Variants in TMEM178B observed in about 807,000 individuals in gnomAD.
TMEM178B encodes the protein transmembrane protein 178B.
TMEM178B carries 5 observed loss-of-function variants against 31.0 expected under a neutral mutation model. The ratio of observed to expected loss-of-function variants is 0.16; its 90% CI spans 0.08 to 0.34. TMEM178B has a LOEUF of 0.34. TMEM178B is among the 10% of genes least tolerant of loss of function. TMEM178B has a pLI of 1.00. For missense variants in TMEM178B, 275 were observed against 400.3 expected, an observed-to-expected ratio of 0.69 and a Z score of 2.67; for synonymous variants, 164 against 164.0, an observed-to-expected ratio of 1.00 and a Z score of 0.00.
intron 1 of TMEM178B, among the ~76,000 whole-genome samples, chr7:141,159,950 T>C (rs969305326): frequency 6.6e-6 from 1 of 150,426 alleles, no homozygotes; most frequent in Non-Finnish European, 1.5e-5. Context: ...TGGTGAATTT[T>C]AAAAAAATTG....
At chr7:141,105,862 A>G (rs1259605312) in intron 1 of TMEM178B, among the ~76,000 whole-genome samples, 1 of 152,076 alleles carries the variant, frequency 6.6e-6, no homozygotes, top group East Asian at 1.9e-4. Flanking sequence ...TGGGAGGCCA[A>G]GGTGGGTGGA....
intron 1 of TMEM178B, among the ~76,000 whole-genome samples, chr7:141,188,481 T>C (rs1796647617): frequency 6.6e-6 from 1 of 152,222 alleles, no homozygotes; most frequent in African/African-American, 2.4e-5. Flanking sequence ...TCTTATTGGA[T>C]GTAGGACGAA....
chr7:141,088,905 T>TC, intron 1 of TMEM178B, among the ~76,000 whole-genome samples: 1 of 152,206 alleles, frequency 6.6e-6, no homozygotes, highest in Non-Finnish European at 1.5e-5. Context: ...TAATAGTGAA[T>TC]CCCCCACCCT....
At chr7:141,377,356 G>A (rs1374144168) in intron 2 of TMEM178B, among the ~76,000 whole-genome samples, 1 of 151,720 alleles carries the variant, frequency 6.6e-6, no homozygotes, top group African/African-American at 2.4e-5. Context: ...GCTAATTTTT[G>A]TATTTTTAGC....
chr7:141,369,814 T>C (rs1259516354), intron 2 of TMEM178B, among the ~76,000 whole-genome samples: 1 of 152,108 alleles, frequency 6.6e-6, no homozygotes, highest in Non-Finnish European at 1.5e-5. Flanking sequence ...ACACAACTTT[T>C]AAATAAGCCA....
At chr7:141,079,582 A>C (rs766427572) in intron 1 of TMEM178B, among the ~76,000 whole-genome samples, 1 of 152,230 alleles carries the variant, frequency 6.6e-6, no homozygotes, top group Non-Finnish European at 1.5e-5. Context: ...AGAAGGCTTT[A>C]GTTCATGGTC....
At chr7:141,396,444 C>G (rs1201696675) in intron 2 of TMEM178B, among the ~76,000 whole-genome samples, 2 of 152,326 alleles carry the variant, frequency 1.3e-5, no homozygotes, top group Non-Finnish European at 1.5e-5. Flanking sequence ...GGTTCTGCGG[C>G]ATTTGCCGCC....
chr7:141,115,966 C>T (rs1234045135), intron 1 of TMEM178B, among the ~76,000 whole-genome samples: 1 of 151,942 alleles, frequency 6.6e-6, no homozygotes, highest in African/African-American at 2.4e-5. Flanking sequence ...ATGACAAAAC[C>T]AATAAAATGG....
chr7:141,372,148 A>G (rs534647034), intron 2 of TMEM178B, among the ~76,000 whole-genome samples: 3 of 152,108 alleles, frequency 2.0e-5, no homozygotes, highest in African/African-American at 7.2e-5. Flanking sequence ...CCACTCCCTC[A>G]CAAAATCTAC....
intron 2 of TMEM178B, among the ~76,000 whole-genome samples, chr7:141,284,687 C>G (rs1283117671): frequency 1.3e-5 from 2 of 152,108 alleles, no homozygotes; most frequent in Admixed American, 6.5e-5. Context: ...TGGAACAATA[C>G]AAGGCATAAT....
At chr7:141,256,525 G>T (rs974508955) in intron 2 of TMEM178B, among the ~76,000 whole-genome samples, 4 of 152,188 alleles carry the variant, frequency 2.6e-5, no homozygotes, top group Admixed American at 6.5e-5. Context: ...GGTAGGGTTG[G>T]GGGTGTAGCC....
intron 2 of TMEM178B, among the ~76,000 whole-genome samples, chr7:141,372,103 G>A (rs1033743370): frequency 2.6e-5 from 4 of 152,110 alleles, no homozygotes; most frequent in African/African-American, 7.2e-5. Context: ...GCTCTACTTC[G>A]TTTCCCTCTT....
intron 1 of TMEM178B, among the ~76,000 whole-genome samples, chr7:141,089,455 T>A (rs982625717): frequency 1.3e-5 from 2 of 152,238 alleles, no homozygotes; most frequent in African/African-American, 4.8e-5. Context: ...AGTGTGGCGA[T>A]TCCTCATGGA....
chr7:141,384,090 T>C (rs1029051894), intron 2 of TMEM178B, among the ~76,000 whole-genome samples: 17 of 152,244 alleles, frequency 1.1e-4, no homozygotes, highest in Non-Finnish European at 2.1e-4. Flanking sequence ...GTATATTTGT[T>C]TGAGTTCTTT....
chr7:141,389,555 A>G (rs575188240), intron 2 of TMEM178B, among the ~76,000 whole-genome samples: 5 of 152,328 alleles, frequency 3.3e-5, no homozygotes, highest in African/African-American at 9.6e-5. Context: ...GGAGGCCCCG[A>G]TGTTCCCATG....
At chr7:141,488,946 G>A in the TMEM178B span, among the ~76,000 whole-genome samples, 2 of 152,046 alleles carry the variant, frequency 1.3e-5, no homozygotes, top group African/African-American at 4.8e-5. Context: ...AGAATAAGGA[G>A]GAGGAGAAAG....
At chr7:141,468,797 G>A (rs1802190285) in intron 3 of TMEM178B, among the ~76,000 whole-genome samples, 2 of 152,188 alleles carry the variant, frequency 1.3e-5, no homozygotes, top group South Asian at 4.1e-4. Context: ...CTTGCAGAGA[G>A]AGAAGGGTGC....
At chr7:141,301,595 C>T (rs1798727138) in intron 2 of TMEM178B, among the ~76,000 whole-genome samples, 1 of 152,080 alleles carries the variant, frequency 6.6e-6, no homozygotes, top group African/African-American at 2.4e-5. Context: ...CCTGTTGTGC[C>T]TGGTTTTCCA....
chr7:141,253,528 A>G (rs959777782), intron 2 of TMEM178B, among the ~76,000 whole-genome samples: 1 of 145,038 alleles, frequency 6.9e-6, no homozygotes, highest in Non-Finnish European at 1.5e-5. Context: ...TTCATTTTAG[A>G]TACACATTTT....
Sources: allele counts gnomAD v4.1 joint callset (sites outside exome capture counted in the v4.1 genomes callset), GRCh38; gene constraint gnomAD v4.1.1; transcripts MANE v1.5; gene names NCBI Gene and HGNC (gene_info 2026-07-23, HGNC 2026-07-21).